SPATA16: variants seen among roughly 807,000 people sequenced by gnomAD.
SPATA16 encodes spermatogenesis-associated protein 16.
SPATA16 carries 36 observed loss-of-function variants against 63.3 expected under a neutral mutation model. That is an observed-to-expected ratio of 0.57 (90% CI 0.44 to 0.75). SPATA16 has a LOEUF of 0.75. Among genes scored for constraint, SPATA16 ranks in the 30% least tolerant of loss-of-function variants. The probability of loss-of-function intolerance (pLI) is 0.00; values close to 1 mark genes in which losing one functional copy is unlikely to be tolerated. For synonymous variants in SPATA16, 203 were observed against 216.7 expected, an observed-to-expected ratio of 0.94 and a Z score of 0.56; for missense variants, 646 against 679.3, an observed-to-expected ratio of 0.95 and a Z score of 0.54.
chr3:173,131,417 A>G (rs770808710), intron 1 of SPATA16, among the ~76,000 whole-genome samples: 1 of 152,206 alleles, frequency 6.6e-6, no homozygotes, highest in Non-Finnish European at 1.5e-5. Flanking sequence ...TGACTTTGAC[A>G]GGGGCAACTT....
intron 4 of SPATA16, among the ~76,000 whole-genome samples, chr3:173,011,021 G>A (rs913113393): frequency 5.9e-5 from 9 of 151,694 alleles, no homozygotes; most frequent in African/African-American, 2.2e-4. Context: ...AGAAGAGCTG[G>A]AGCAATACTA....
intron 2 of SPATA16, among the ~76,000 whole-genome samples, chr3:173,101,595 G>A (rs765978415): frequency 6.6e-6 from 1 of 151,944 alleles, no homozygotes; most frequent in Non-Finnish European, 1.5e-5. Context: ...CTGGATTATC[G>A]TCATCTTTGC....
At chr3:173,052,219 A>C (rs1736116832) in intron 2 of SPATA16, among the ~76,000 whole-genome samples, 1 of 152,214 alleles carries the variant, frequency 6.6e-6, no homozygotes, top group African/African-American at 2.4e-5. Flanking sequence ...ATTTCATAAT[A>C]GTAAAGACTG....
chr3:173,119,242 G>T (rs1160597344), intron 1 of SPATA16, among the ~76,000 whole-genome samples: 1 of 152,186 alleles, frequency 6.6e-6, no homozygotes, highest in African/African-American at 2.4e-5. Context: ...GTTGATAGCT[G>T]CAGGAAACCA....
chr3:173,049,173 G>A (rs1231210257), intron 2 of SPATA16, 79 bp from the exon 3 acceptor site: 36 of 1,458,934 alleles, frequency 2.5e-5, no homozygotes, highest in Non-Finnish European at 3.2e-5. Flanking sequence ...ACATGTGTAT[G>A]TTTTATTTAT....
At chr3:172,929,602 C>T (rs1276275761) in intron 6 of SPATA16, among the ~76,000 whole-genome samples, 1 of 152,116 alleles carries the variant, frequency 6.6e-6, no homozygotes, top group African/African-American at 2.4e-5. Context: ...CCCCTTTCTC[C>T]TCCTGCCTTC....
At chr3:172,911,531 A>G (rs927605631) in intron 10 of SPATA16, among the ~76,000 whole-genome samples, 3 of 152,218 alleles carry the variant, frequency 2.0e-5, no homozygotes, top group Non-Finnish European at 4.4e-5. Context: ...TAACAACTTC[A>G]TAAGTTACTT....
intron 2 of SPATA16, among the ~76,000 whole-genome samples, chr3:173,050,532 C>T (rs774771947): frequency 2.6e-5 from 4 of 151,868 alleles, no homozygotes; most frequent in African/African-American, 7.3e-5. Context: ...CTATTTTTAG[C>T]TCTATATAAA....
At chr3:173,048,289 C>A (rs1736001664) in intron 3 of SPATA16, among the ~76,000 whole-genome samples, 1 of 151,812 alleles carries the variant, frequency 6.6e-6, no homozygotes, top group African/African-American at 2.4e-5. Context: ...ATCTTTGCTG[C>A]AGATTAAAAC....
At chr3:173,082,179 A>G (rs1233966269) in intron 2 of SPATA16, among the ~76,000 whole-genome samples, 1 of 152,192 alleles carries the variant, frequency 6.6e-6, no homozygotes, top group Non-Finnish European at 1.5e-5. Flanking sequence ...GCCTGGGGTA[A>G]GAATTCAAAG....
chr3:173,107,951 C>T, intron 2 of SPATA16, among the ~76,000 whole-genome samples: 1 of 152,088 alleles, frequency 6.6e-6, no homozygotes, highest in East Asian at 1.9e-4. Context: ...AAACTGATTA[C>T]AATTTAGGGT....
intron 4 of SPATA16, among the ~76,000 whole-genome samples, chr3:173,009,347 C>T (rs1277709713): frequency 6.6e-6 from 1 of 152,174 alleles, no homozygotes. Flanking sequence ...GAGGAATTGC[C>T]GTGTCGTGGG....
chr3:173,105,016 A>T (rs1480289983), intron 2 of SPATA16, among the ~76,000 whole-genome samples: 1 of 152,192 alleles, frequency 6.6e-6, no homozygotes, highest in Non-Finnish European at 1.5e-5. Flanking sequence ...TTGTTCAGAA[A>T]GGCTGTGCCC....
chr3:172,910,047 A>AT (rs1247636767), intron 10 of SPATA16, among the ~76,000 whole-genome samples: 1 of 149,314 alleles, frequency 6.7e-6, no homozygotes, highest in Admixed American at 6.7e-5. Context: ...TACAAATGCA[A>AT]TTTTTTTGGG....
intron 2 of SPATA16, among the ~76,000 whole-genome samples, chr3:173,108,238 AT>A (rs920820326): frequency 3.2e-4 from 49 of 152,076 alleles, no homozygotes; most frequent in African/African-American, 1.2e-3. Flanking sequence ...GTATCAATCT[AT>A]TTTTTAGTAT....
At chr3:173,137,180 T>C (rs193239032) in intron 1 of SPATA16, among the ~76,000 whole-genome samples, 19 of 152,300 alleles carry the variant, frequency 1.2e-4, no homozygotes, top group Non-Finnish European at 2.8e-4. Flanking sequence ...CAGGTGGGAA[T>C]GTCCCAGAAA....
At chr3:172,905,871 C>A (rs1009102567) in intron 10 of SPATA16, among the ~76,000 whole-genome samples, 11 of 152,050 alleles carry the variant, frequency 7.2e-5, no homozygotes, top group African/African-American at 2.7e-4. Flanking sequence ...CTCACAGGTC[C>A]GAAAGTATAT....
At position 172,950,870 on chromosome 3, in the gene SPATA16, A is replaced by C. The variant is rs1347330932; in HGVS notation, c.1081+5807T>G. ...ATCTGATCCAGAAAACTTTTCTATT[A>C]AACATTACTAACCACAGATCCATTA... On this transcript the variant is annotated intron_variant, in intron 6 of 10. Transcript: ENST00000351008. 3.3e-5 allele frequency among the ~76,000 whole-genome samples: 5 copies of C among 152,226 alleles called. No individual in the cohort carries two copies. In the East Asian group the frequency reaches 9.6e-4, roughly 29 times the overall value.
intron 3 of SPATA16, among the ~76,000 whole-genome samples, chr3:173,021,488 C>T (rs1311170178): frequency 3.9e-5 from 6 of 152,144 alleles, no homozygotes; most frequent in Non-Finnish European, 5.9e-5. Flanking sequence ...TTAAAATGAT[C>T]ACATGGGTTC....
Sources: allele counts gnomAD v4.1 joint callset (sites outside exome capture counted in the v4.1 genomes callset), GRCh38; gene constraint gnomAD v4.1.1; transcripts MANE v1.5; gene names NCBI Gene and HGNC (gene_info 2026-07-23, HGNC 2026-07-21).